Variants in PTPRD observed in about 807,000 individuals in gnomAD.
PTPRD encodes protein tyrosine phosphatase receptor type D, also known as receptor-type tyrosine-protein phosphatase delta.
PTPRD carries 34 observed loss-of-function variants against 214.5 expected under a neutral mutation model. The observed-to-expected ratio is 0.16, with a 90% CI of 0.12 to 0.21. The LOEUF (loss-of-function observed/expected upper bound fraction) is 0.21, where lower values mean the gene tolerates loss of function less well. Ranked by LOEUF, PTPRD falls within the 10% of genes least tolerant of loss-of-function variation. The pLI is 1.00. For missense variants in PTPRD, 2,545 were observed against 2,398.7 expected (o/e 1.06, Z -1.27); for synonymous variants, 1,128 against 845.7 (o/e 1.33, Z -5.79).
chr9:8,557,455 T>TATACAC, intron 14 of PTPRD, among the ~76,000 whole-genome samples: 2 of 135,640 alleles, frequency 1.5e-5, no homozygotes, highest in Admixed American at 7.1e-5. Flanking sequence ...TATATATATA[T>TATACAC]ATTTGGGCCG....
chr9:9,130,596 T>A (rs1174517469), intron 10 of PTPRD, among the ~76,000 whole-genome samples: 1 of 152,162 alleles, frequency 6.6e-6, no homozygotes, highest in Admixed American at 6.5e-5. Flanking sequence ...TTTCATCTAT[T>A]TATTGTTCTC....
At chr9:9,062,126 T>G (rs2154401831) in intron 10 of PTPRD, among the ~76,000 whole-genome samples, 1 of 152,328 alleles carries the variant, frequency 6.6e-6, no homozygotes, top group Non-Finnish European at 1.5e-5. Context: ...AGTTCAAGTT[T>G]ACTTAGCAGC....
chr9:8,537,231 C>A (rs1258131500), intron 14 of PTPRD, among the ~76,000 whole-genome samples: 4 of 151,854 alleles, frequency 2.6e-5, no homozygotes, highest in African/African-American at 9.7e-5. Flanking sequence ...CAAAGTTGGG[C>A]TCTTGGGCCA....
chr9:10,097,736 C>T (rs1029836683), intron 3 of PTPRD, among the ~76,000 whole-genome samples: 3 of 151,818 alleles, frequency 2.0e-5, no homozygotes, highest in African/African-American at 7.3e-5. Flanking sequence ...TTATTTCCTT[C>T]TCCTGCCTGA....
At chr9:9,425,414 TATA>T (rs955736796) in intron 8 of PTPRD, among the ~76,000 whole-genome samples, 6 of 49,374 alleles carry the variant, frequency 1.2e-4, no homozygotes, top group African/African-American at 3.0e-4. Flanking sequence ...ATATAAAATA[TATA>T]ATATTATAAT....
At chr9:8,410,999 AG>A (rs1175909283) in intron 35 of PTPRD, among the ~76,000 whole-genome samples, 1 of 147,428 alleles carries the variant, frequency 6.8e-6, no homozygotes, top group Middle Eastern at 3.3e-3. Flanking sequence ...TATTTCACTG[AG>A]GAAACCATTG....
chr9:8,394,301 A>C (rs1321875478), intron 36 of PTPRD, among the ~76,000 whole-genome samples: 1 of 152,170 alleles, frequency 6.6e-6, no homozygotes, highest in Non-Finnish European at 1.5e-5. Context: ...GGGGTTTATA[A>C]TAAAGCCTTA....
At chr9:8,569,332 A>G (rs1483954687) in intron 14 of PTPRD, among the ~76,000 whole-genome samples, 2 of 152,174 alleles carry the variant, frequency 1.3e-5, no homozygotes, top group East Asian at 3.9e-4. Context: ...TCAGGCAGGC[A>G]ATCATCCTCC....
intron 4 of PTPRD, among the ~76,000 whole-genome samples, chr9:9,981,144 A>C (rs1472348390): frequency 6.6e-6 from 1 of 152,164 alleles, no homozygotes; most frequent in South Asian, 2.1e-4. Flanking sequence ...TAAACATCTA[A>C]TACAATTTTA....
At chr9:9,506,814 C>G (rs962109207) in intron 8 of PTPRD, among the ~76,000 whole-genome samples, 2 of 151,188 alleles carry the variant, frequency 1.3e-5, no homozygotes, top group African/African-American at 4.8e-5. Context: ...TAGTTGAGTC[C>G]TCTGAATGAA....
At chr9:9,389,000 G>T (rs1375806174) in intron 9 of PTPRD, among the ~76,000 whole-genome samples, 2 of 152,090 alleles carry the variant, frequency 1.3e-5, no homozygotes, top group Non-Finnish European at 1.5e-5. Context: ...ATTTCAGTTT[G>T]TAATAGGAGT....
chr9:8,753,830 G>A (rs1196938896), intron 11 of PTPRD, among the ~76,000 whole-genome samples: 1 of 152,186 alleles, frequency 6.6e-6, no homozygotes, highest in Non-Finnish European at 1.5e-5. Context: ...GATGATTATA[G>A]TATGTTCACA....
intron 6 of PTPRD, among the ~76,000 whole-genome samples, chr9:9,754,198 TGAAA>T (rs1199841014): frequency 2.0e-5 from 3 of 152,062 alleles, no homozygotes; most frequent in African/African-American, 7.2e-5. Flanking sequence ...ACTGGAGGAA[TGAAA>T]GAGTCTTTGA....
At chr9:9,750,948 A>G (rs2098511938) in intron 6 of PTPRD, among the ~76,000 whole-genome samples, 2 of 152,138 alleles carry the variant, frequency 1.3e-5, no homozygotes, top group African/African-American at 4.8e-5. Flanking sequence ...CACATGTCGC[A>G]ATCATTAAAG....
intron 3 of PTPRD, among the ~76,000 whole-genome samples, chr9:10,307,714 T>G (rs900668416): frequency 5.3e-5 from 8 of 152,030 alleles, no homozygotes; most frequent in African/African-American, 1.9e-4. Context: ...AAAAGATACA[T>G]CCTTGCCAGC....
At chr9:10,223,484 C>G (rs2099578187) in intron 3 of PTPRD, among the ~76,000 whole-genome samples, 1 of 151,642 alleles carries the variant, frequency 6.6e-6, no homozygotes, top group South Asian at 2.1e-4. Flanking sequence ...GCCAATGTGG[C>G]AAAACCCTGT....
At chr9:10,198,378 A>G (rs1040532476) in intron 3 of PTPRD, among the ~76,000 whole-genome samples, 1 of 152,166 alleles carries the variant, frequency 6.6e-6, no homozygotes, top group Admixed American at 6.5e-5. Context: ...AGTGCCTGAA[A>G]GGAAGATGGA....
intron 6 of PTPRD, among the ~76,000 whole-genome samples, chr9:9,747,445 G>A (rs909201158): frequency 5.9e-5 from 9 of 151,886 alleles, no homozygotes; most frequent in African/African-American, 1.9e-4. Context: ...ATCCACATTC[G>A]TTACAAAACT....
chr9:8,437,678 A>T (rs1021240673), intron 34 of PTPRD, among the ~76,000 whole-genome samples: 3 of 152,172 alleles, frequency 2.0e-5, no homozygotes, highest in Admixed American at 6.5e-5. Flanking sequence ...AATCTACTTC[A>T]GGTGTAAACA....
Sources: allele counts gnomAD v4.1 joint callset (sites outside exome capture counted in the v4.1 genomes callset), GRCh38; gene constraint gnomAD v4.1.1; transcripts MANE v1.5; gene names NCBI Gene and HGNC (gene_info 2026-07-23, HGNC 2026-07-21).